Variants in PIKFYVE observed in about 807,000 individuals in gnomAD.
PIKFYVE encodes the protein phosphoinositide kinase, FYVE-type zinc finger containing, also known as 1-phosphatidylinositol 3-phosphate 5-kinase.
A neutral mutation model predicts 257.9 loss-of-function variants in PIKFYVE; 122 were observed. That is an observed-to-expected ratio of 0.47 (90% CI 0.41 to 0.55). The LOEUF is 0.55. PIKFYVE is among the 20% of genes least tolerant of loss of function. PIKFYVE has a pLI of 0.00. For missense variants in PIKFYVE, 2,160 were observed against 2,536.6 expected, an observed-to-expected ratio of 0.85 and a Z score of 3.19; for synonymous variants, 892 against 868.9, an observed-to-expected ratio of 1.03 and a Z score of -0.47.
chr2:208,298,447 C>T (rs1032041964), intron 7 of PIKFYVE, among the ~76,000 whole-genome samples, 194 bp from the exon 8 acceptor site: 2 of 151,878 alleles, frequency 1.3e-5, no homozygotes, highest in African/African-American at 2.4e-5. Flanking sequence ...TTGCAAATAT[C>T]GTACAGAGAG....
intron 7 of PIKFYVE, among the ~76,000 whole-genome samples, chr2:208,296,487 C>G (rs1693004724): frequency 6.6e-6 from 1 of 152,118 alleles, no homozygotes; most frequent in South Asian, 2.1e-4. Context: ...TTTGAGATAT[C>G]TTCTAGACAT....
chr2:208,334,861 G>A lies in PIKFYVE; in HGVS notation c.4143-445G>A, dbSNP rs555828355. ...TTTTTAAGCAAGAGTTTTTAACCGT[G>A]CATGTAGGGCCTTGCGGGGGAGTTG... On this transcript the variant is annotated intron_variant, in intron 24 of 41. Coordinates refer to ENST00000264380, the MANE Select transcript of PIKFYVE (RefSeq NM_015040.4). Among the ~76,000 whole-genome samples the A allele has an allele frequency of 2.1e-4, 32 of 152,232 alleles. No homozygotes were observed. In the Middle Eastern group the frequency reaches 0.01, roughly 49 times the overall value.
chr2:208,294,492 G>T (rs1379455977), intron 7 of PIKFYVE, among the ~76,000 whole-genome samples: 2 of 152,172 alleles, frequency 1.3e-5, no homozygotes, highest in Non-Finnish European at 2.9e-5. Context: ...TGGACATGCT[G>T]TACTGGGTAA....
chr2:208,276,481 T>C (rs138843385), intron 3 of PIKFYVE, among the ~76,000 whole-genome samples: 521 of 152,312 alleles, frequency 3.4e-3, no homozygotes, highest in Admixed American at 6.3e-3. Context: ...AGACAATGCT[T>C]GTCTTAGGCA....
At chr2:208,337,488 AT>A (rs966644286) in intron 28 of PIKFYVE, among the ~76,000 whole-genome samples, 2 of 151,946 alleles carry the variant, frequency 1.3e-5, no homozygotes, top group African/African-American at 2.4e-5. Flanking sequence ...AATACTTAGG[AT>A]TATCCCTTAC....
At chr2:208,340,312 A>T (rs1698574784) in intron 31 of PIKFYVE, among the ~76,000 whole-genome samples, 181 bp downstream of exon 31, 1 of 152,240 alleles carries the variant, frequency 6.6e-6, no homozygotes, top group Non-Finnish European at 1.5e-5. Flanking sequence ...ATTATGATAT[A>T]GTAGATGAGT....
At chr2:208,335,990 T>A in intron 26 of PIKFYVE, 56 bp from the exon 27 acceptor site, 1 of 1,606,100 alleles carries the variant, frequency 6.2e-7, no homozygotes, top group Non-Finnish European at 8.5e-7. Context: ...TAGCAGTTTC[T>A]TTTGGGGTAT....
intron 39 of PIKFYVE, 119 bp downstream of exon 39, chr2:208,352,901 A>G: frequency 7.8e-7 from 1 of 1,288,752 alleles, no homozygotes; most frequent in Non-Finnish European, 1.1e-6. Context: ...AACTTTGGTT[A>G]CTAGGCCATA....
At chr2:208,272,050 C>G (rs1260113659) in intron 2 of PIKFYVE, among the ~76,000 whole-genome samples, 1 of 151,928 alleles carries the variant, frequency 6.6e-6, no homozygotes, top group Non-Finnish European at 1.5e-5. Context: ...CTGGCTAACA[C>G]GGTGAAATCC....
rs1414605909 is a variant in PIKFYVE at position 208,326,059 on chromosome 2, A to G, written c.3248A>G (p.Glu1083Gly). Residue 1083 changes from glutamate to glycine, a missense_variant, in exon 20 of 42, where the codon GAG becomes GGG. By Grantham distance (98) the Glu-to-Gly change is moderately conservative. Around this residue, in one of 12 missense-constraint regions of PIKFYVE, gnomAD observed 522 missense variants for 514.6 expected, o/e 1.01. Coordinates refer to ENST00000264380, the MANE Select transcript of PIKFYVE (RefSeq NM_015040.4). ...TGCTCTACCCGAGATTATTTTGCAG[A>G]GCAGGTTTACTGGTCTCCTCTCCTC... ...MRCSTRDYFA[E>G]QVYWSPLLNK... 1 of 1,614,174 alleles carries G rather than the reference A, an allele frequency of 6.2e-7. No individual in the cohort carries two copies. Among genetic ancestry groups the G allele is most frequent in the Non-Finnish European group, 8.5e-7 (1 of 1,180,032 alleles).
At chr2:208,310,819 C>G (rs578150024) in intron 12 of PIKFYVE, among the ~76,000 whole-genome samples, 1 of 152,102 alleles carries the variant, frequency 6.6e-6, no homozygotes, top group East Asian at 1.9e-4. Flanking sequence ...TTGATTGCAT[C>G]GAGGCTTAAG....
chr2:208,318,648 G>A (rs1695839777), intron 16 of PIKFYVE, among the ~76,000 whole-genome samples: 2 of 152,252 alleles, frequency 1.3e-5, no homozygotes, highest in African/African-American at 2.4e-5. Context: ...GTGTATGGAT[G>A]TTAGGGAAAT....
intron 34 of PIKFYVE, 35 bp downstream of exon 34, chr2:208,346,182 A>G: frequency 6.6e-7 from 1 of 1,505,312 alleles, no homozygotes; most frequent in East Asian, 2.3e-5. Context: ...TTATAATTAG[A>G]TTTACCTATA....
chr2:208,289,124 A>G (rs1691963014), intron 7 of PIKFYVE, among the ~76,000 whole-genome samples: 1 of 152,204 alleles, frequency 6.6e-6, no homozygotes, highest in Admixed American at 6.5e-5. Flanking sequence ...TGTCCCAAGA[A>G]AACAGGAATA....
chr2:208,323,512 G>A (rs192507723), intron 17 of PIKFYVE, among the ~76,000 whole-genome samples: 39 of 152,208 alleles, frequency 2.6e-4, no homozygotes, highest in Non-Finnish European at 3.5e-4. Context: ...GTCTATCATT[G>A]TTGGACATTT....
intron 10 of PIKFYVE, 50 bp from the exon 11 acceptor site, chr2:208,304,121 A>C (rs753717358): frequency 6.3e-7 from 1 of 1,578,010 alleles, no homozygotes; most frequent in Non-Finnish European, 8.7e-7. Context: ...CAGCCTCAAC[A>C]TTGTTGCCAT....
intron 33 of PIKFYVE, among the ~76,000 whole-genome samples, 188 bp downstream of exon 33, chr2:208,345,382 T>A (rs995008569): frequency 6.6e-6 from 1 of 152,096 alleles, no homozygotes. Context: ...AAACAGTCCC[T>A]CAGGATGCAG....
Position 208,326,339 on chromosome 2 carries a change from A to G in PIKFYVE, c.3528A>G (p.Ala1176=), listed in dbSNP as rs760904947. 1.9e-6 allele frequency: 3 copies of G among 1,613,812 alleles called. No homozygotes were observed. The highest frequency in any genetic ancestry group is 1.3e-5 in the African/African-American group (1 of 75,034). ...NSDPFAHSKD[A]SSTSSGQSGS... ...ACCCTTTTGCTCATTCAAAGGATGC[A>G]TCAAGTACTTCAAGTGGCCAATCAG... The change falls in exon 20 of 42, where the codon GCA becomes GCG. Residue 1176 remains alanine (A), a synonymous_variant. Transcript: ENST00000264380.
intron 1 of PIKFYVE, among the ~76,000 whole-genome samples, chr2:208,270,772 G>A (rs965311755): frequency 6.6e-6 from 1 of 152,158 alleles, no homozygotes; most frequent in Non-Finnish European, 1.5e-5. Flanking sequence ...GGTGGCTCAT[G>A]CCTGTAATCC....
Sources: gnomAD v4.1 joint callset for allele counts (sites outside exome capture counted in the v4.1 genomes callset) on GRCh38, gnomAD v4.1.1 for gene constraint, gnomAD v4.1.1 regional missense constraint, MANE v1.5 for transcripts, NCBI Gene and HGNC (gene_info 2026-07-23, HGNC 2026-07-21) for gene names.